Variants in VWA3A observed in about 807,000 individuals in gnomAD.
VWA3A encodes von Willebrand factor A domain-containing protein 3A.
In VWA3A, 134 loss-of-function variants were observed where a neutral mutation model predicts 160.4. The observed-to-expected ratio is 0.84, with a 90% confidence interval of 0.73 to 0.96. The LOEUF is 0.96. Among genes scored for constraint, VWA3A ranks in the 40% least tolerant of loss-of-function variants. The pLI is 0.00. For missense variants in VWA3A, 1,310 were observed against 1,447.9 expected (o/e 0.90, Z 1.55); for synonymous variants, 476 against 543.4 (o/e 0.88, Z 1.72).
At chr16:22,131,156 C>G (rs2045939851) in intron 17 of VWA3A, 49 bp from the exon 18 acceptor site, 1 of 1,580,014 alleles carries the variant, frequency 6.3e-7, no homozygotes, top group Non-Finnish European at 8.7e-7. Flanking sequence ...GGTGGGCCAC[C>G]AAGTGGACCT....
At chr16:22,147,969 G>A (rs1298290553) in intron 27 of VWA3A, among the ~76,000 whole-genome samples, 193 bp from the exon 28 acceptor site, 1 of 152,046 alleles carries the variant, frequency 6.6e-6, no homozygotes, top group Non-Finnish European at 1.5e-5. Flanking sequence ...CACTGACCAG[G>A]TCTGTCCTTG....
chr16:22,116,303 G>T (rs1598061053), intron 9 of VWA3A: 1 of 362,964 alleles, frequency 2.8e-6, no homozygotes, highest in East Asian at 8.4e-5. Flanking sequence ...AAGGAAGAGA[G>T]AAAAAAGAGA....
In VWA3A at chr16:22,131,479, A is replaced by T. The variant is rs1418368752; in HGVS notation, c.1728-106A>T. 2.0e-6 allele frequency: 3 copies of T among 1,523,026 alleles called. No individual in the cohort carries two copies. In the African/African-American group the frequency reaches 4.1e-5, roughly 21 times the overall value. 94.3% of individuals were successfully genotyped at this position (1,523,026 alleles called of 1,614,324 possible). On this transcript the variant is annotated intron_variant, in intron 18 of 33. Coordinates refer to ENST00000389398, the MANE Select transcript of VWA3A (RefSeq NM_173615.5). ...ATCTTCACTTTATGAGAGTGATGAC[A>T]TCGACTCCATCACGTCTGAGATGGA... is the stretch of plus-strand genomic sequence containing the variant.
rs553727108 is a variant in VWA3A, at chr16:22,124,908, G to A, written c.1532+1201G>A. ...TCCATAGCTGTCTCAAAATGAGAATGGGGCAGAAGGTGGGAATATAAGTTT... is the reference window on the plus strand; with the variant it reads ...TCCATAGCTGTCTCAAAATGAGAATAGGGCAGAAGGTGGGAATATAAGTTT... On this transcript the variant is annotated intron_variant, in intron 16 of 33. Transcript: ENST00000389398. Among the ~76,000 whole-genome samples the A allele has an allele frequency of 7.9e-5, 12 of 152,202 alleles. No homozygotes were observed. The South Asian group carries it at 2.1e-3, about 26-fold the overall frequency.
rs1322017065 is a variant in VWA3A at position 22,131,573 on chromosome 16, C to T, written c.1728-12C>T. On this transcript the variant is annotated splice_polypyrimidine_tract_variant and intron_variant, in intron 18 of 33. Transcript: ENST00000389398. The stretch of plus-strand genomic sequence containing the variant: ...CCAATGACCCTCAGCATGGCCATCT[C>T]TGCCTCCGCAGGTGGGCCCTGAACC... 3.1e-6 allele frequency: 5 copies of T among 1,609,600 alleles called. No individual in the cohort carries two copies. The highest frequency in any genetic ancestry group is 3.4e-6 in the Non-Finnish European group (4 of 1,177,750).
At chr16:22,146,987 G>A (rs1171316241) in intron 27 of VWA3A, among the ~76,000 whole-genome samples, 1 of 152,138 alleles carries the variant, frequency 6.6e-6, no homozygotes, top group African/African-American at 2.4e-5. Flanking sequence ...AGCCCCTGGA[G>A]ATGCAGATGG....
intron 17 of VWA3A, among the ~76,000 whole-genome samples, chr16:22,126,889 A>G (rs1191130101): frequency 4.6e-5 from 7 of 151,006 alleles, no homozygotes; most frequent in Non-Finnish European, 8.9e-5. Flanking sequence ...AATTATGTGT[A>G]TATATATATA....
chr16:22,114,768 C>A (rs1256860640), intron 8 of VWA3A, among the ~76,000 whole-genome samples: 1 of 151,874 alleles, frequency 6.6e-6, no homozygotes, highest in Non-Finnish European at 1.5e-5. Context: ...TCAAGACCAA[C>A]CTGGGCAACA....
intron 6 of VWA3A, among the ~76,000 whole-genome samples, chr16:22,108,334 A>G (rs2045509474): frequency 6.6e-6 from 1 of 152,348 alleles, no homozygotes; most frequent in East Asian, 1.9e-4. Context: ...ATGATTACAG[A>G]AGCAGAGTTC....
intron 23 of VWA3A, among the ~76,000 whole-genome samples, chr16:22,140,826 G>A (rs1053246512): frequency 1.3e-5 from 2 of 151,820 alleles, no homozygotes; most frequent in African/African-American, 4.8e-5. Flanking sequence ...TGCCCAGGCT[G>A]GTCTACAACT....
chr16:22,102,681 G>C (rs562012113), intron 5 of VWA3A, among the ~76,000 whole-genome samples: 2 of 152,136 alleles, frequency 1.3e-5, no homozygotes, highest in African/African-American at 4.8e-5. Context: ...CAGTAGAAAC[G>C]ATTGCTTAAC....
intron 20 of VWA3A, 127 bp from the exon 21 acceptor site, chr16:22,134,241 A>T: frequency 1.4e-6 from 1 of 694,502 alleles, no homozygotes; most frequent in Non-Finnish European, 2.4e-6. Flanking sequence ...TGCTGGGATT[A>T]CAGGAGTAAG....
At chr16:22,136,588 C>T (rs1352878262) in intron 21 of VWA3A, among the ~76,000 whole-genome samples, 1 of 152,100 alleles carries the variant, frequency 6.6e-6, no homozygotes, top group Non-Finnish European at 1.5e-5. Context: ...TGCAGAAGGA[C>T]TCACTTCCCA....
In VWA3A at chr16:22,100,234, A is replaced by G; in HGVS notation, c.266A>G (p.Asp89Gly). ...GSETQSSDWE[D>G]SEDWLSAHSL... ...GAGACCCAGTCTTCAGATTGGGAGG[A>G]CTCTGAAGACTGGCTTTCGGCTCAC... The change falls in exon 4 of 34, where the codon GAC (aspartate) becomes GGC (glycine). Residue 89 changes from aspartate to glycine, a missense_variant. Coordinates refer to ENST00000389398, the MANE Select transcript of VWA3A (RefSeq NM_173615.5). The G allele has an allele frequency of 6.4e-7, 1 of 1,550,614 alleles. No individual in the cohort carries two copies. Among genetic ancestry groups the G allele is most frequent in the Non-Finnish European group, 8.7e-7 (1 of 1,146,922 alleles).
intron 6 of VWA3A, among the ~76,000 whole-genome samples, chr16:22,106,154 G>T (rs1221242491): frequency 6.6e-6 from 1 of 152,118 alleles, no homozygotes; most frequent in Non-Finnish European, 1.5e-5. Context: ...GGAGGCCGAG[G>T]CAGATGGATC....
At position 22,109,481 on chromosome 16, in the gene VWA3A, G is replaced by A. The variant is rs2045524514; in HGVS notation, c.484-1G>A. On this transcript the variant is annotated splice_acceptor_variant, in intron 6 of 33. Transcript: ENST00000389398. LOFTEE classifies it high-confidence loss of function. ...TTTCCAAATGCCCTCTTTGGTTTTA[G>A]GCATTTGGCCTCATCAAAGGGGCCA... 6.3e-7 allele frequency: 1 copy of A among 1,591,256 alleles called. No individual in the cohort carries two copies. The highest frequency in any genetic ancestry group is 1.3e-5 in the African/African-American group (1 of 74,312).
In VWA3A at chr16:22,155,912, C is replaced by G; in HGVS notation, c.*10C>G. On this transcript the variant is annotated 3_prime_UTR_variant, in exon 33 of 34. Transcript: ENST00000389398. ...GGTCACTCTTTCCTAGAGAAGTGTTCTCAGGTAAGGGGAGGGGCTAGACCC... is the reference window on the plus strand; with the variant it reads ...GGTCACTCTTTCCTAGAGAAGTGTTGTCAGGTAAGGGGAGGGGCTAGACCC... The G allele has an allele frequency of 6.2e-7, 1 of 1,613,932 alleles. No homozygotes were observed. Among genetic ancestry groups the G allele is most frequent in the Non-Finnish European group, 8.5e-7 (1 of 1,179,876 alleles).
intron 17 of VWA3A, among the ~76,000 whole-genome samples, chr16:22,130,454 T>C (rs2045928288): frequency 6.6e-6 from 1 of 151,996 alleles, no homozygotes; most frequent in Non-Finnish European, 1.5e-5. Context: ...TCAGAAGAGA[T>C]GGGTGATGAG....
intron 12 of VWA3A, 30 bp from the exon 13 acceptor site, chr16:22,120,938 A>G (rs566295553): frequency 6.2e-7 from 1 of 1,613,032 alleles, no homozygotes; most frequent in Admixed American, 1.7e-5. Context: ...AAATATGATT[A>G]TGTAATGAGG....
Sources: allele counts gnomAD v4.1 joint callset (sites outside exome capture counted in the v4.1 genomes callset), GRCh38; gene constraint gnomAD v4.1.1; transcripts MANE v1.5; gene names NCBI Gene and HGNC (gene_info 2026-07-23, HGNC 2026-07-21).